PLG: variants seen among roughly 807,000 people sequenced by gnomAD.
The protein encoded by PLG is plasminogen, also known as plasmin.
PLG carries 41 observed loss-of-function variants against 104.4 expected under a neutral mutation model. The observed-to-expected ratio is 0.39, with a 90% CI of 0.31 to 0.51. The LOEUF (loss-of-function observed/expected upper bound fraction) is 0.51. Among genes scored for constraint, PLG ranks in the 20% least tolerant of loss-of-function variants. PLG has a pLI of 0.76. For missense variants in PLG, 891 were observed against 1,003.6 expected, an observed-to-expected ratio of 0.89 and a Z score of 1.52; for synonymous variants, 337 against 357.1, an observed-to-expected ratio of 0.94 and a Z score of 0.63.
At chr6:160,703,102 G>A (rs1486692634) in intron 1 of PLG, among the ~76,000 whole-genome samples, 1 of 152,032 alleles carries the variant, frequency 6.6e-6, no homozygotes, top group Non-Finnish European at 1.5e-5. Context: ...TCAGACTTAG[G>A]AATATCATGT....
chr6:160,712,351 A>C (rs1426429632), intron 4 of PLG: 1 of 156,544 alleles, frequency 6.4e-6, no homozygotes, highest in Non-Finnish European at 1.4e-5. Context: ...AATAAGCTTA[A>C]ATCCCTCCTC....
intron 6 of PLG, among the ~76,000 whole-genome samples, chr6:160,715,286 T>G: frequency 6.6e-6 from 1 of 152,230 alleles, no homozygotes; most frequent in East Asian, 1.9e-4. Context: ...TGCTGGTGTA[T>G]TTTCCAAATA....
In PLG at chr6:160,726,767, A is replaced by G. The variant is rs930031970; in HGVS notation, c.1256+4200A>G. Among the ~76,000 whole-genome samples the G allele has an allele frequency of 4.6e-5, 7 of 152,030 alleles. No homozygotes were observed. Among genetic ancestry groups the G allele is most frequent in the Non-Finnish European group, 1.0e-4 (7 of 67,880 alleles). The stretch of plus-strand genomic sequence containing the variant: ...TGGATGCAATAAATATTCATAGTAT[A>G]TATTACAAAATGAAAGCTCTTTAGG... On this transcript the variant is annotated intron_variant, in intron 10 of 18. Coordinates refer to ENST00000308192, the MANE Select transcript of PLG (RefSeq NM_000301.5). This position sits in a 1 kb window ranked among gnomAD's most constrained non-coding sequence, Gnocchi z 4.4.
rs1273507992 is a variant in PLG, at chr6:160,724,365, C to G, written c.1256+1798C>G. 6.6e-6 allele frequency among the ~76,000 whole-genome samples: 1 copy of G among 151,948 alleles called. No individual in the cohort carries two copies. Among genetic ancestry groups the G allele is most frequent in the Non-Finnish European group, 1.5e-5 (1 of 67,970 alleles). On this transcript the variant is annotated intron_variant, in intron 10 of 18. Transcript: ENST00000308192. This position sits in a 1 kb window ranked among gnomAD's most constrained non-coding sequence, Gnocchi z 5.0. ...ACCCTTACCATCAGGTTAGACATTA[C>G]AGAAGAAAAAGTTAACTAGAAAATA...
At chr6:160,712,733 G>A (rs768069388) in intron 4 of PLG, among the ~76,000 whole-genome samples, 3 of 152,148 alleles carry the variant, frequency 2.0e-5, no homozygotes, top group Non-Finnish European at 2.9e-5. Context: ...TATTTCTCCT[G>A]ACTGTGCAAT....
chr6:160,706,923 G>A (rs973173336), intron 2 of PLG, among the ~76,000 whole-genome samples: 2 of 150,674 alleles, frequency 1.3e-5, no homozygotes, highest in African/African-American at 4.9e-5. Context: ...AGTATTTAAG[G>A]TGTAGTCAAA....
In PLG at chr6:160,722,418, G is replaced by T. The variant is rs754325596; in HGVS notation, c.1107G>T (p.Glu369Asp). 1.8e-5 allele frequency: 29 copies of T among 1,611,670 alleles called. No homozygotes were observed. In the South Asian group the frequency reaches 3.0e-4, roughly 16 times the overall value. The change falls in exon 10 of 19, where the codon GAG becomes GAT. Residue 369 changes from glutamate (E) to aspartate (D), a missense_variant. Glu to Asp is a conservative substitution (Grantham distance 45). This residue lies in a region of PLG where 854 missense variants were observed against 932.1 expected (regional missense o/e 0.92). Coordinates refer to ENST00000308192, the MANE Select transcript of PLG (RefSeq NM_000301.5). ...TEQLAPTAPP[E>D]LTPVVQDCYH... is the part of the protein sequence containing the mutation. ...TTATTTTAATTTCAGCACCACCTGA[G>T]CTAACCCCTGTGGTCCAGGACTGCT...
At chr6:160,750,622 G>C (rs1219538272) in intron 17 of PLG, among the ~76,000 whole-genome samples, 1 of 152,288 alleles carries the variant, frequency 6.6e-6, no homozygotes. Flanking sequence ...GCTGAGCTGG[G>C]CTCTGGAGCC....
chr6:160,748,158 A>G (rs892135493), intron 17 of PLG, among the ~76,000 whole-genome samples: 1 of 151,300 alleles, frequency 6.6e-6, no homozygotes, highest in African/African-American at 2.4e-5. Context: ...TACAAAAATT[A>G]GCCGGGTGTG....
chr6:160,711,462 A>C, intron 4 of PLG: 2 of 988,540 alleles, frequency 2.0e-6, no homozygotes, highest in Non-Finnish European at 3.0e-6. Context: ...CATCTTTTTC[A>C]AGTCTTTTCC....
rs938180219 is a variant in PLG, at chr6:160,744,153, T to C, written c.2125+2736T>C. Among the ~76,000 whole-genome samples, 1 of 152,200 alleles carries C rather than the reference T, an allele frequency of 6.6e-6. No individual in the cohort carries two copies. The highest frequency in any genetic ancestry group is 6.5e-5 in the Admixed American group (1 of 15,286). On this transcript the variant is annotated intron_variant, in intron 17 of 18. Transcript: ENST00000308192. The surrounding 1 kb of genome is among the most constrained non-coding windows in gnomAD (Gnocchi z 4.5). ...TTTGTGTCTCTGCCAGGTTTTGGTA[T>C]CAGGATGATGCTGACCTCATAGAAT...
Position 160,735,754 on chromosome 6 carries a change from T to G in PLG, c.1682-1133T>G. 6.6e-6 allele frequency among the ~76,000 whole-genome samples: 1 copy of G among 152,248 alleles called. No individual in the cohort carries two copies. The highest frequency in any genetic ancestry group is 1.9e-4 in the East Asian group (1 of 5,200). The stretch of plus-strand genomic sequence containing the variant: ...TAAATAGAAACATTCAGTTTTGTTT[T>G]GAATAGTAGGAGCAGGGTACCATCA... On this transcript the variant is annotated intron_variant, in intron 13 of 18. Coordinates refer to ENST00000308192, the MANE Select transcript of PLG (RefSeq NM_000301.5). The surrounding 1 kb of genome is among the most constrained non-coding windows in gnomAD (Gnocchi z 5.4).
chr6:160,706,088 T>G, intron 1 of PLG: 1 of 370,758 alleles, frequency 2.7e-6, no homozygotes, highest in Non-Finnish European at 5.1e-6. Context: ...ACACTGAGCT[T>G]TGGGGTACAA....
In PLG at chr6:160,718,339, G is replaced by A; in HGVS notation, c.833G>A (p.Gly278Glu). The change falls in exon 8 of 19, where the codon GGA becomes GAA. Residue 278 changes from glycine to glutamate, a missense_variant. Physicochemically the swap from Gly to Glu is moderately conservative, Grantham distance 98 (BLOSUM62 -2). This residue lies in a region of PLG where 854 missense variants were observed against 932.1 expected (regional missense o/e 0.92). Transcript: ENST00000308192. ...SSGPTYQCLK[G>E]TGENYRGNVA... is the part of the protein sequence containing the mutation. The stretch of plus-strand genomic sequence containing the variant: ...GGTCCCACCTACCAGTGTCTGAAGG[G>A]AACAGGTGAAAACTATCGCGGGAAT... 2 of 1,613,966 alleles carry A rather than the reference G, an allele frequency of 1.2e-6. No individual in the cohort carries two copies. Among genetic ancestry groups the A allele is most frequent in the South Asian group, 2.2e-5 (2 of 91,076 alleles).
At chr6:160,709,515 G>A (rs1269294598) in intron 3 of PLG, among the ~76,000 whole-genome samples, 1 of 152,116 alleles carries the variant, frequency 6.6e-6, no homozygotes, top group African/African-American at 2.4e-5. Flanking sequence ...TGTTTGCTTG[G>A]CTTGCTAAAC....
At position 160,754,076 on chromosome 6, in the gene PLG, CAAAT is replaced by C. The variant is rs1209131477; in HGVS notation, c.*1017_*1020del. 6.6e-6 allele frequency among the ~76,000 whole-genome samples: 1 copy of C among 152,188 alleles called. No homozygotes were observed. The highest frequency in any genetic ancestry group is 2.4e-5 in the African/African-American group (1 of 41,452). The stretch of plus-strand genomic sequence containing the variant: ...CAAAGAGCTGTGTTTATTTCATTGA[CAAAT>C]AGATTATTTGTATTCAATTCTGATG... On this transcript the variant is annotated 3_prime_UTR_variant, in exon 19 of 19. Coordinates refer to ENST00000308192, the MANE Select transcript of PLG (RefSeq NM_000301.5). This position sits in a 1 kb window ranked among gnomAD's most constrained non-coding sequence, Gnocchi z 4.9.
rs4252165 is a variant in PLG, at chr6:160,740,527, C to T, written c.2019-784C>T. Among the ~76,000 whole-genome samples the T allele has an allele frequency of 3.9e-5, 6 of 151,944 alleles. No individual in the cohort carries two copies. The highest frequency in any genetic ancestry group is 5.9e-5 in the Non-Finnish European group (4 of 67,992). On this transcript the variant is annotated intron_variant, in intron 16 of 18. Transcript: ENST00000308192. This position sits in a 1 kb window ranked among gnomAD's most constrained non-coding sequence, Gnocchi z 5.2. ...CACCAGGGAACCTGTAGAGTGAGGA[C>T]GTCTGCATGACAGGCTGGGCCTTCT...
chr6:160,713,050 G>C lies in PLG; in HGVS notation c.472G>C (p.Asp158His). The C allele has an allele frequency of 4.4e-6, 7 of 1,608,290 alleles. No individual in the cohort carries two copies. Among genetic ancestry groups the C allele is most frequent in the Middle Eastern group, 2.3e-4 (1 of 4,418 alleles). Residue 158 changes from aspartate (D) to histidine (H), a missense_variant, in exon 5 of 19, where the codon GAT (aspartate) becomes CAT (histidine). Physicochemically the swap from Asp to His is moderately conservative, Grantham distance 81. This residue lies in a region of PLG where 854 missense variants were observed against 932.1 expected (regional missense o/e 0.92). Transcript: ENST00000308192. ...GAACTACTGCAGGAATCCAGACAAC[G>C]ATCCGCAGGGGCCCTGGTGCTATAC... is the stretch of plus-strand genomic sequence containing the variant. The part of the protein sequence containing the change: ...EENYCRNPDN[D>H]PQGPWCYTTD...
chr6:160,721,769 G>A (rs1777833256), intron 9 of PLG, among the ~76,000 whole-genome samples: 1 of 152,194 alleles, frequency 6.6e-6, no homozygotes, highest in African/African-American at 2.4e-5. Context: ...GTGTTCTTGT[G>A]CCTCCTTCTG....
Sources: allele counts gnomAD v4.1 joint callset (sites outside exome capture counted in the v4.1 genomes callset), GRCh38; gene constraint gnomAD v4.1.1; regional missense constraint gnomAD v4.1.1; non-coding constraint Gnocchi (gnomAD v3.1); transcripts MANE v1.5; gene names NCBI Gene and HGNC (gene_info 2026-07-23, HGNC 2026-07-21).